Variants in PDS5A observed in about 807,000 individuals in gnomAD.
PDS5A encodes the protein PDS5 cohesin associated factor A.
In PDS5A, 42 loss-of-function variants were observed where a neutral mutation model predicts 167.1. The ratio of observed to expected loss-of-function variants is 0.25; its 90% CI spans 0.20 to 0.33. The LOEUF is 0.33. PDS5A is among the 10% of genes least tolerant of loss of function. The pLI, the probability that PDS5A is intolerant of heterozygous loss-of-function variation, is 1.00. For missense variants in PDS5A, 1,033 were observed against 1,605.9 expected (o/e 0.64, Z 6.10); for synonymous variants, 553 against 554.6 (o/e 1.00, Z 0.04).
intron 2 of PDS5A, among the ~76,000 whole-genome samples, chr4:39,969,423 T>C (rs1456976289): frequency 3.3e-5 from 5 of 152,056 alleles, no homozygotes; most frequent in African/African-American, 1.2e-4. Flanking sequence ...TCCCAGCACT[T>C]TGGGAGGTCG....
At chr4:39,968,106 A>G (rs778587286) in intron 2 of PDS5A, among the ~76,000 whole-genome samples, 1 of 152,308 alleles carries the variant, frequency 6.6e-6, no homozygotes. Context: ...ACAGCTATTT[A>G]TAAGTGTATT....
intron 4 of PDS5A, 23 bp from the exon 5 acceptor site, chr4:39,925,956 T>C: frequency 1.2e-6 from 1 of 863,864 alleles, no homozygotes; most frequent in Non-Finnish European, 1.7e-6. Context: ...AAAATAATTA[T>C]TGAATTATAC....
intron 2 of PDS5A, among the ~76,000 whole-genome samples, chr4:39,953,626 G>A (rs749730181): frequency 6.6e-6 from 1 of 152,000 alleles, no homozygotes; most frequent in African/African-American, 2.4e-5. Flanking sequence ...AACTACTCAG[G>A]AGGCTGGGGC....
At chr4:39,904,245 C>T in intron 11 of PDS5A, 54 bp from the exon 12 acceptor site, 1 of 1,298,120 alleles carries the variant, frequency 7.7e-7, no homozygotes. Context: ...CTGTACTAAT[C>T]TCCAAAGACT....
chr4:39,953,736 ATAAG>A (rs1728632961), intron 2 of PDS5A, among the ~76,000 whole-genome samples: 2 of 152,168 alleles, frequency 1.3e-5, no homozygotes, highest in South Asian at 2.1e-4. Context: ...TCTCAAAAGA[ATAAG>A]TAAAGTAAAA....
intron 6 of PDS5A, among the ~76,000 whole-genome samples, 192 bp downstream of exon 6, chr4:39,922,430 T>C (rs1308089565): frequency 1.3e-5 from 2 of 152,222 alleles, no homozygotes; most frequent in African/African-American, 2.4e-5. Flanking sequence ...ATGAAACTCC[T>C]ACATGATATG....
chr4:39,934,661 A>C (rs1312400331), intron 2 of PDS5A, among the ~76,000 whole-genome samples: 1 of 148,408 alleles, frequency 6.7e-6, no homozygotes, highest in Non-Finnish European at 1.5e-5. Flanking sequence ...AATCAAACTA[A>C]GTTTTTTTGC....
chr4:39,950,889 C>A (rs1032415558), intron 2 of PDS5A, among the ~76,000 whole-genome samples: 1 of 152,018 alleles, frequency 6.6e-6, no homozygotes, highest in Non-Finnish European at 1.5e-5. Context: ...CTATGCCCAC[C>A]CTGAATTTTT....
At chr4:39,908,195 A>G (rs1264177778) in intron 11 of PDS5A, among the ~76,000 whole-genome samples, 200 bp downstream of exon 11, 2 of 152,206 alleles carry the variant, frequency 1.3e-5, no homozygotes, top group Non-Finnish European at 2.9e-5. Context: ...TTAAGATCTC[A>G]AAAGGTATAG....
intron 2 of PDS5A, among the ~76,000 whole-genome samples, chr4:39,928,799 T>G (rs1725695063): frequency 6.8e-6 from 1 of 147,134 alleles, no homozygotes; most frequent in South Asian, 2.2e-4. Context: ...CAATCCAGAC[T>G]AGGCAACAGA....
intron 2 of PDS5A, among the ~76,000 whole-genome samples, chr4:39,970,790 CTTTTTTTTTTTT>C (rs35223238): frequency 2.1e-3 from 187 of 88,500 alleles, no homozygotes; most frequent in African/African-American, 7.6e-3. Flanking sequence ...CCGCTTGTTC[CTTTTTTTTTTTT>C]TTTTTTTTTT....
chr4:39,878,513 C>A (rs1402608262), intron 18 of PDS5A, among the ~76,000 whole-genome samples: 1 of 151,836 alleles, frequency 6.6e-6, no homozygotes, highest in South Asian at 2.1e-4. Context: ...AGGAGAATGG[C>A]GTGAACCTGG....
intron 2 of PDS5A, among the ~76,000 whole-genome samples, chr4:39,939,131 A>G (rs1028783790): frequency 1.3e-5 from 2 of 152,176 alleles, no homozygotes; most frequent in African/African-American, 2.4e-5. Context: ...TGGGAGGCTG[A>G]GGCAAGAGGA....
intron 17 of PDS5A, among the ~76,000 whole-genome samples, chr4:39,886,374 T>C (rs1721475556): frequency 1.3e-5 from 2 of 152,178 alleles, no homozygotes; most frequent in African/African-American, 2.4e-5. Context: ...TTGATAGATA[T>C]TGCATTTAAT....
intron 2 of PDS5A, among the ~76,000 whole-genome samples, chr4:39,966,519 T>A (rs1160417259): frequency 2.0e-5 from 3 of 152,122 alleles, no homozygotes; most frequent in African/African-American, 7.2e-5. Context: ...ATAAGGAAAA[T>A]ACACCTGGTG....
chr4:39,916,722 T>C (rs1486529533), intron 8 of PDS5A, among the ~76,000 whole-genome samples: 3 of 151,934 alleles, frequency 2.0e-5, no homozygotes. Context: ...AAAAATTATA[T>C]GGGCATGGTG....
intron 24 of PDS5A, 40 bp from the exon 25 acceptor site, chr4:39,863,113 T>G (rs751421816): frequency 3.4e-6 from 5 of 1,486,312 alleles, no homozygotes; most frequent in Middle Eastern, 1.7e-4. Flanking sequence ...CAACCATTTA[T>G]TAAATAAAAA....
chr4:39,849,404 T>G, intron 27 of PDS5A, 116 bp downstream of exon 27: 1 of 651,076 alleles, frequency 1.5e-6, no homozygotes, highest in Non-Finnish European at 2.5e-6. Context: ...TTTACTTTTG[T>G]AAACATTCTA....
intron 2 of PDS5A, among the ~76,000 whole-genome samples, chr4:39,953,422 G>T (rs1006900938): frequency 1.4e-5 from 2 of 142,540 alleles, no homozygotes; most frequent in African/African-American, 2.6e-5. Flanking sequence ...TGAAGAATCA[G>T]TTTTTTTTTT....
Sources: allele counts gnomAD v4.1 joint callset (sites outside exome capture counted in the v4.1 genomes callset), GRCh38; gene constraint gnomAD v4.1.1; transcripts MANE v1.5; gene names NCBI Gene and HGNC (gene_info 2026-07-23, HGNC 2026-07-21).